TMEM132D: variants seen among roughly 807,000 people sequenced by gnomAD.
The protein encoded by TMEM132D is transmembrane protein 132D.
A neutral mutation model predicts 62.3 loss-of-function variants in TMEM132D; 21 were observed. The ratio of observed to expected loss-of-function variants is 0.34; its 90% CI spans 0.24 to 0.49. The LOEUF (loss-of-function observed/expected upper bound fraction) is 0.49, where lower values mean the gene tolerates loss of function less well. TMEM132D is among the 20% of genes least tolerant of loss of function. The pLI is 0.99. For missense variants in TMEM132D, 1,346 were observed against 1,402.8 expected (o/e 0.96, Z 0.65); for synonymous variants, 621 against 575.6 (o/e 1.08, Z -1.13).
chr12:129,395,307 T>C (rs899971546), intron 3 of TMEM132D, among the ~76,000 whole-genome samples: 1 of 152,132 alleles, frequency 6.6e-6, no homozygotes, highest in Non-Finnish European at 1.5e-5. Flanking sequence ...TTGTCAGTAT[T>C]TGATAAAACA....
At chr12:129,532,244 GTACC>G (rs1210110971) in intron 2 of TMEM132D, among the ~76,000 whole-genome samples, 1 of 152,152 alleles carries the variant, frequency 6.6e-6, no homozygotes, top group African/African-American at 2.4e-5. Flanking sequence ...CACGCTGATG[GTACC>G]TGACCTAGGC....
At chr12:129,753,614 A>T (rs1870070066) in intron 1 of TMEM132D, among the ~76,000 whole-genome samples, 1 of 152,216 alleles carries the variant, frequency 6.6e-6, no homozygotes, top group South Asian at 2.1e-4. Flanking sequence ...CTTAATTGAA[A>T]AAAGACATAC....
chr12:129,491,541 C>CGGGGGGG (rs1874796517), intron 3 of TMEM132D, among the ~76,000 whole-genome samples: 1 of 152,216 alleles, frequency 6.6e-6, no homozygotes, highest in African/African-American at 2.4e-5. Context: ...TAACCCTTCA[C>CGGGGGGG]TCCATGCGGT....
Position 129,838,559 on chromosome 12 carries a change from C to T in TMEM132D, c.79+64702G>A, listed in dbSNP as rs141308827. 1.5e-3 allele frequency among the ~76,000 whole-genome samples: 221 copies of T among 152,282 alleles called. 1 individual carries two copies. Among genetic ancestry groups the T allele is most frequent in the African/African-American group, 5.0e-3 (206 of 41,548 alleles). On this transcript the variant is annotated intron_variant, in intron 1 of 8. Transcript: ENST00000422113. ...AAAGACAGGCTTAACACAGATGTGG[C>T]TCTGTAACTGTTGGTTAAACTGGGT...
At chr12:129,611,283 C>G (rs1487103665) in intron 2 of TMEM132D, among the ~76,000 whole-genome samples, 1 of 152,244 alleles carries the variant, frequency 6.6e-6, no homozygotes, top group African/African-American at 2.4e-5. Context: ...CTTTCTTTAG[C>G]GAGATCAGCT....
At chr12:129,898,124 C>T (rs779618142) in intron 1 of TMEM132D, among the ~76,000 whole-genome samples, 1 of 152,202 alleles carries the variant, frequency 6.6e-6, no homozygotes, top group African/African-American at 2.4e-5. Flanking sequence ...TGCCATACAA[C>T]AATTACTCAA....
intron 2 of TMEM132D, among the ~76,000 whole-genome samples, chr12:129,621,561 C>T (rs769981599): frequency 1.3e-5 from 2 of 152,160 alleles, no homozygotes; most frequent in Non-Finnish European, 2.9e-5. Context: ...TATTAACATT[C>T]TCTCCCCACT....
At chr12:129,697,344 G>T (rs1427722516) in intron 2 of TMEM132D, among the ~76,000 whole-genome samples, 2 of 152,124 alleles carry the variant, frequency 1.3e-5, no homozygotes, top group Admixed American at 1.3e-4. Flanking sequence ...CATTTAAAAA[G>T]ATATACAGTT....
chr12:129,163,940 G>A (rs76205334), intron 5 of TMEM132D, among the ~76,000 whole-genome samples: 5,981 of 152,304 alleles, frequency 0.039, 231 homozygotes, highest in East Asian at 0.14. Context: ...TGTCCCAGCC[G>A]GATGGAAGTT....
chr12:129,245,891 T>C (rs1291413910), intron 4 of TMEM132D, among the ~76,000 whole-genome samples: 1 of 152,216 alleles, frequency 6.6e-6, no homozygotes, highest in Non-Finnish European at 1.5e-5. Context: ...AGATGTTTCA[T>C]GTAAAAATAC....
intron 1 of TMEM132D, among the ~76,000 whole-genome samples, chr12:129,897,221 C>T (rs1360813207): frequency 1.3e-5 from 2 of 152,170 alleles, no homozygotes; most frequent in African/African-American, 4.8e-5. Flanking sequence ...GAGGCCGCAC[C>T]ATATCATCTC....
chr12:129,140,933 C>T (rs1054138647), intron 5 of TMEM132D, among the ~76,000 whole-genome samples: 2 of 152,062 alleles, frequency 1.3e-5, no homozygotes, highest in Admixed American at 6.5e-5. Flanking sequence ...CATTTGTAAG[C>T]CCGTGTCAGA....
intron 3 of TMEM132D, among the ~76,000 whole-genome samples, chr12:129,404,703 T>A (rs896181024): frequency 2.0e-5 from 3 of 151,998 alleles, no homozygotes; most frequent in Admixed American, 6.6e-5. Flanking sequence ...GATGCCATAC[T>A]CTTTTAAACA....
chr12:129,790,140 G>A (rs899806336), intron 1 of TMEM132D, among the ~76,000 whole-genome samples: 5 of 152,162 alleles, frequency 3.3e-5, no homozygotes, highest in Non-Finnish European at 5.9e-5. Context: ...GAGCTGGGGC[G>A]AGTGCTTTTT....
intron 2 of TMEM132D, among the ~76,000 whole-genome samples, chr12:129,611,225 G>A (rs1045167851): frequency 1.3e-5 from 2 of 152,150 alleles, no homozygotes; most frequent in African/African-American, 4.8e-5. Flanking sequence ...GTACTGTAGT[G>A]TCTAGATTTT....
intron 4 of TMEM132D, among the ~76,000 whole-genome samples, chr12:129,281,144 A>T (rs1001061099): frequency 6.6e-6 from 1 of 152,202 alleles, no homozygotes; most frequent in South Asian, 2.1e-4. Flanking sequence ...TGTCTTCGCC[A>T]TACTCTATTC....
intron 4 of TMEM132D, among the ~76,000 whole-genome samples, chr12:129,251,187 G>A (rs1257536097): frequency 3.3e-5 from 5 of 151,738 alleles, no homozygotes; most frequent in South Asian, 2.1e-4. Flanking sequence ...GTGAAACCCC[G>A]TCTCTACTAA....
chr12:129,691,557 C>T (rs1432887863), intron 2 of TMEM132D, among the ~76,000 whole-genome samples: 1 of 151,942 alleles, frequency 6.6e-6, no homozygotes, highest in African/African-American at 2.4e-5. Flanking sequence ...ATATTGCACA[C>T]CCTGGTGAAT....
intron 1 of TMEM132D, among the ~76,000 whole-genome samples, chr12:129,866,992 A>T (rs1874079630): frequency 6.6e-6 from 1 of 152,084 alleles, no homozygotes; most frequent in Non-Finnish European, 1.5e-5. Flanking sequence ...TCATGCCTGT[A>T]ATCCCGGCAC....
Sources: allele counts gnomAD v4.1 joint callset (sites outside exome capture counted in the v4.1 genomes callset), GRCh38; gene constraint gnomAD v4.1.1; transcripts MANE v1.5; gene names NCBI Gene and HGNC (gene_info 2026-07-23, HGNC 2026-07-21).